The following PLPPR1 variants were observed in gnomAD, a reference collection of about 807,000 sequenced individuals.
PLPPR1 encodes the protein phospholipid phosphatase related 1, also known as phospholipid phosphatase-related protein type 1.
A neutral mutation model predicts 33.1 loss-of-function variants in PLPPR1; 10 were observed. That is an observed-to-expected ratio of 0.30 (90% CI 0.19 to 0.51). The LOEUF (loss-of-function observed/expected upper bound fraction) is 0.51, where lower values mean the gene tolerates loss of function less well. PLPPR1 is among the 20% of genes least tolerant of loss of function. The probability of loss-of-function intolerance (pLI) is 0.97; values close to 1 mark genes in which losing one functional copy is unlikely to be tolerated. For synonymous variants in PLPPR1, 151 were observed against 151.0 expected (o/e 1.00, Z 0.00); for missense variants, 304 against 408.1 (o/e 0.74, Z 2.20).
At chr9:101,158,951 T>A (rs986100091) in intron 1 of PLPPR1, among the ~76,000 whole-genome samples, 2 of 152,182 alleles carry the variant, frequency 1.3e-5, no homozygotes, top group African/African-American at 4.8e-5. Flanking sequence ...TTGAATGGAC[T>A]CTCCATTAAC....
At chr9:101,300,676 T>C (rs1026004965) in intron 4 of PLPPR1, among the ~76,000 whole-genome samples, 7 of 152,302 alleles carry the variant, frequency 4.6e-5, no homozygotes, top group African/African-American at 7.2e-5. Flanking sequence ...AAAAGCCGAA[T>C]TTGAAGCCTT....
chr9:101,144,190 C>A (rs1270810566), intron 1 of PLPPR1, among the ~76,000 whole-genome samples: 1 of 152,138 alleles, frequency 6.6e-6, no homozygotes, highest in East Asian at 1.9e-4. Flanking sequence ...ACCGCATGTT[C>A]TCACTCATAG....
intron 2 of PLPPR1, among the ~76,000 whole-genome samples, chr9:101,193,951 G>C (rs946490762): frequency 6.6e-6 from 1 of 152,140 alleles, no homozygotes; most frequent in Non-Finnish European, 1.5e-5. Flanking sequence ...AGTCCTTTCT[G>C]ATATGTTCAG....
At chr9:101,193,389 G>A (rs1413577378) in intron 2 of PLPPR1, among the ~76,000 whole-genome samples, 1 of 152,056 alleles carries the variant, frequency 6.6e-6, no homozygotes, top group African/African-American at 2.4e-5. Flanking sequence ...CTCTGGGAGT[G>A]GGGCGGGAAA....
chr9:101,220,813 A>G (rs1826917251), intron 2 of PLPPR1, among the ~76,000 whole-genome samples: 1 of 152,226 alleles, frequency 6.6e-6, no homozygotes, highest in Non-Finnish European at 1.5e-5. Context: ...TAGAAGGTTG[A>G]ACATGTTGTT....
intron 2 of PLPPR1, among the ~76,000 whole-genome samples, chr9:101,240,409 A>ACTGTTTTTTTTTTTTTTTTTTTTTTTTT (rs1564012614): frequency 2.6e-5 from 4 of 151,674 alleles, no homozygotes; most frequent in African/African-American, 4.9e-5. Context: ...AAATTTTAGA[A>ACTGTTTTTTTTTTTTTTTTTTTTTTTTT]TTGTTTTTTT....
At chr9:101,151,733 G>A (rs892731667) in intron 1 of PLPPR1, among the ~76,000 whole-genome samples, 4 of 152,150 alleles carry the variant, frequency 2.6e-5, no homozygotes, top group Non-Finnish European at 5.9e-5. Context: ...GCTAATTCAT[G>A]ATCTTACCCT....
chr9:101,317,540 A>G (rs1432715692), intron 7 of PLPPR1, 44 bp downstream of exon 7: 3 of 1,585,358 alleles, frequency 1.9e-6, no homozygotes, highest in African/African-American at 2.7e-5. Context: ...CAGGCTGAAC[A>G]CTTTGGGAGG....
chr9:101,165,302 A>G (rs886892030), intron 1 of PLPPR1, among the ~76,000 whole-genome samples: 15 of 152,172 alleles, frequency 9.9e-5, no homozygotes, highest in African/African-American at 3.6e-4. Flanking sequence ...CACGAAATCA[A>G]TGGCTGAGAT....
At chr9:101,313,489 T>G (rs1199904709) in intron 6 of PLPPR1, among the ~76,000 whole-genome samples, 7 of 152,186 alleles carry the variant, frequency 4.6e-5, no homozygotes, top group Non-Finnish European at 8.8e-5. Context: ...ACACCCGCCC[T>G]TTTTAGTGGG....
At chr9:101,124,101 T>C (rs1831212416) in intron 1 of PLPPR1, among the ~76,000 whole-genome samples, 1 of 152,230 alleles carries the variant, frequency 6.6e-6, no homozygotes, top group Non-Finnish European at 1.5e-5. Flanking sequence ...AAAGGTGGCC[T>C]CTTTTAATTG....
At chr9:101,199,108 T>C (rs2118743950) in intron 2 of PLPPR1, among the ~76,000 whole-genome samples, 1 of 152,320 alleles carries the variant, frequency 6.6e-6, no homozygotes, top group East Asian at 1.9e-4. Flanking sequence ...GACTGCAGAA[T>C]ATCTTTCTCA....
intron 1 of PLPPR1, among the ~76,000 whole-genome samples, chr9:101,138,587 C>T (rs965214643): frequency 6.6e-6 from 1 of 152,190 alleles, no homozygotes; most frequent in African/African-American, 2.4e-5. Context: ...ATCTTATGCT[C>T]TTAGCTACCA....
intron 1 of PLPPR1, among the ~76,000 whole-genome samples, chr9:101,150,067 G>A (rs900747337): frequency 6.6e-6 from 1 of 151,886 alleles, no homozygotes; most frequent in South Asian, 2.1e-4. Context: ...TTTTATATAT[G>A]TGCTTTTAAT....
intron 2 of PLPPR1, among the ~76,000 whole-genome samples, chr9:101,246,847 A>T (rs1827619735): frequency 6.6e-6 from 1 of 152,036 alleles, no homozygotes; most frequent in Admixed American, 6.6e-5. Flanking sequence ...TGTGGTGCAC[A>T]CATCTGGGAG....
chr9:101,147,461 G>A (rs1831534348), intron 1 of PLPPR1, among the ~76,000 whole-genome samples: 1 of 152,050 alleles, frequency 6.6e-6, no homozygotes, highest in Non-Finnish European at 1.5e-5. Context: ...AGTAATACTT[G>A]CTCAGTGGGG....
intron 1 of PLPPR1, among the ~76,000 whole-genome samples, chr9:101,151,923 A>G (rs1831592269): frequency 6.6e-6 from 1 of 152,168 alleles, no homozygotes; most frequent in Non-Finnish European, 1.5e-5. Context: ...GTGTGAAATT[A>G]TACATAGAAA....
At chr9:101,115,000 C>G (rs767893331) in intron 1 of PLPPR1, among the ~76,000 whole-genome samples, 1 of 152,180 alleles carries the variant, frequency 6.6e-6, no homozygotes, top group Non-Finnish European at 1.5e-5. Flanking sequence ...TTATGTTTCT[C>G]AGCATAGTGT....
At chr9:101,321,267 T>G (rs528655050) in intron 7 of PLPPR1, among the ~76,000 whole-genome samples, 2 of 152,148 alleles carry the variant, frequency 1.3e-5, no homozygotes, top group Admixed American at 6.5e-5. Context: ...GTCACGCTCG[T>G]TTCCCTTTCT....
Sources: allele counts gnomAD v4.1 joint callset (sites outside exome capture counted in the v4.1 genomes callset), GRCh38; gene constraint gnomAD v4.1.1; transcripts MANE v1.5; gene names NCBI Gene and HGNC (gene_info 2026-07-23, HGNC 2026-07-21).